Variants in NTRK2 observed in about 807,000 individuals in gnomAD.
NTRK2 encodes the protein BDNF/NT-3 growth factors receptor.
Under a neutral mutation model 94.5 loss-of-function variants are expected in NTRK2, and 13 were observed. That is an observed-to-expected ratio of 0.14 (90% CI 0.09 to 0.22). The LOEUF (loss-of-function observed/expected upper bound fraction) is 0.22, where lower values mean the gene tolerates loss of function less well. Among genes scored for constraint, NTRK2 ranks in the 10% least tolerant of loss-of-function variants. The probability of loss-of-function intolerance (pLI) is 1.00; values close to 1 mark genes in which losing one functional copy is unlikely to be tolerated. For synonymous variants in NTRK2, 372 were observed against 407.4 expected, an observed-to-expected ratio of 0.91 and a Z score of 1.05; for missense variants, 639 against 1,071.2, an observed-to-expected ratio of 0.60 and a Z score of 5.63.
intron 2 of NTRK2, among the ~76,000 whole-genome samples, chr9:84,675,292 T>A (rs2058967649): frequency 6.6e-6 from 1 of 151,066 alleles, no homozygotes; most frequent in Non-Finnish European, 1.5e-5. Context: ...GGAATTGAAT[T>A]TCTTTTCTCT....
intron 16 of NTRK2, among the ~76,000 whole-genome samples, chr9:84,952,147 G>A (rs371432216): frequency 2.6e-5 from 4 of 152,154 alleles, no homozygotes; most frequent in Admixed American, 1.3e-4. Context: ...CATCCTTGCC[G>A]TCATTCCTAC....
intron 17 of NTRK2, among the ~76,000 whole-genome samples, chr9:84,988,946 G>T (rs1828703965): frequency 1.3e-5 from 2 of 152,216 alleles, no homozygotes; most frequent in South Asian, 4.1e-4. Context: ...TTTGATACAA[G>T]CTGGGACTCT....
intron 2 of NTRK2, among the ~76,000 whole-genome samples, chr9:84,686,344 G>A (rs1201230652): frequency 6.6e-6 from 1 of 152,230 alleles, no homozygotes; most frequent in African/African-American, 2.4e-5. Flanking sequence ...GAGATGCAGA[G>A]CACACAAGCT....
intron 15 of NTRK2, among the ~76,000 whole-genome samples, chr9:84,947,532 C>T (rs186982358): frequency 6.8e-4 from 103 of 152,298 alleles, no homozygotes; most frequent in African/African-American, 2.3e-3. Context: ...CTGTTGTCAT[C>T]GGGGCAGCTG....
intron 17 of NTRK2, among the ~76,000 whole-genome samples, chr9:85,009,835 G>A (rs1380196077): frequency 6.6e-6 from 1 of 152,184 alleles, no homozygotes; most frequent in African/African-American, 2.4e-5. Context: ...ATTCTCTAGA[G>A]AAAGTGGTTT....
chr9:84,809,450 A>G (rs890692127), intron 12 of NTRK2, among the ~76,000 whole-genome samples: 1 of 148,944 alleles, frequency 6.7e-6, no homozygotes, highest in Non-Finnish European at 1.5e-5. Flanking sequence ...TCTTATAGAT[A>G]TAATATATAC....
chr9:84,929,895 G>A (rs1447619353), intron 14 of NTRK2, among the ~76,000 whole-genome samples: 1 of 152,084 alleles, frequency 6.6e-6, no homozygotes, highest in African/African-American at 2.4e-5. Context: ...TGCTTATGTT[G>A]GGTTTAAGGT....
chr9:84,672,564 A>T (rs2058766268), intron 2 of NTRK2, among the ~76,000 whole-genome samples: 1 of 152,098 alleles, frequency 6.6e-6, no homozygotes, highest in South Asian at 2.1e-4. Context: ...GATTATGGGG[A>T]GTGCCTTCCA....
intron 14 of NTRK2, among the ~76,000 whole-genome samples, chr9:84,870,331 G>GTATGTATATATA (rs1554757547): frequency 3.2e-5 from 1 of 31,176 alleles, no homozygotes; most frequent in Non-Finnish European, 6.8e-5. Context: ...GTGTGTGTGT[G>GTATGTATATATA]TATATATATA....
chr9:84,801,722 A>G (rs1354621968), intron 12 of NTRK2, among the ~76,000 whole-genome samples: 1 of 152,220 alleles, frequency 6.6e-6, no homozygotes, highest in South Asian at 2.1e-4. Flanking sequence ...CTATATTTTC[A>G]GCTCATGATG....
At chr9:84,688,923 T>C (rs1485655495) in intron 2 of NTRK2, among the ~76,000 whole-genome samples, 1 of 152,206 alleles carries the variant, frequency 6.6e-6, no homozygotes, top group African/African-American at 2.4e-5. Flanking sequence ...AGGGCTCCAC[T>C]AGGATGTGTG....
intron 16 of NTRK2, among the ~76,000 whole-genome samples, chr9:84,955,082 G>T (rs1250452375): frequency 6.6e-6 from 1 of 152,204 alleles, no homozygotes; most frequent in Non-Finnish European, 1.5e-5. Flanking sequence ...AGCAGCCTGG[G>T]TGCTCTCAGG....
intron 2 of NTRK2, among the ~76,000 whole-genome samples, chr9:84,696,270 C>G (rs979039720): frequency 1.8e-4 from 28 of 152,160 alleles, no homozygotes; most frequent in African/African-American, 6.5e-4. Context: ...TCCCAAAGTA[C>G]TAGGATTACA....
chr9:84,892,304 C>T (rs771471602), intron 14 of NTRK2, among the ~76,000 whole-genome samples: 13 of 152,166 alleles, frequency 8.5e-5, no homozygotes, highest in Non-Finnish European at 1.0e-4. Context: ...GCCCTGATTG[C>T]CTTAGCTCTG....
At chr9:84,948,674 G>A (rs2078678330) in intron 16 of NTRK2, 40 bp downstream of exon 16, 3 of 1,599,134 alleles carry the variant, frequency 1.9e-6, no homozygotes, top group African/African-American at 1.3e-5. Flanking sequence ...GAGGGAGCAG[G>A]CCTTCAGGGT....
Position 84,670,588 on chromosome 9 carries a change from C to G in NTRK2, c.-161C>G. 1 of 736,780 alleles carries G rather than the reference C, an allele frequency of 1.4e-6. No homozygotes were observed. Among genetic ancestry groups the G allele is most frequent in the Non-Finnish European group, 2.3e-6 (1 of 427,584 alleles). The allele number at this position is 736,780 out of a possible 1,614,324, so 45.6% of individuals were successfully genotyped here. ...CCGCCTGCCGGAACACTCTTCGCTC[C>G]GGACCAGCTCAGCCTCTGATAAGCT... On this transcript the variant is annotated 5_prime_UTR_variant, in exon 2 of 19. Coordinates refer to ENST00000277120, the MANE Select transcript of NTRK2 (RefSeq NM_006180.6).
At chr9:84,689,180 G>T (rs761987824) in intron 2 of NTRK2, among the ~76,000 whole-genome samples, 12 of 152,226 alleles carry the variant, frequency 7.9e-5, no homozygotes, top group Non-Finnish European at 1.6e-4. Flanking sequence ...AGGTTGGGAG[G>T]ACTGAAAAGC....
intron 12 of NTRK2, among the ~76,000 whole-genome samples, chr9:84,787,501 A>C (rs974607442): frequency 6.6e-6 from 1 of 152,062 alleles, no homozygotes. Flanking sequence ...TCCCTCACTT[A>C]TTCAGGGTAC....
chr9:84,773,380 A>G (rs149707770), intron 12 of NTRK2, among the ~76,000 whole-genome samples: 8 of 152,332 alleles, frequency 5.3e-5, no homozygotes, highest in African/African-American at 1.2e-4. Flanking sequence ...TATAGAAATT[A>G]TGGCATGGGA....
Sources: allele counts gnomAD v4.1 joint callset (sites outside exome capture counted in the v4.1 genomes callset), GRCh38; gene constraint gnomAD v4.1.1; transcripts MANE v1.5; gene names NCBI Gene and HGNC (gene_info 2026-07-23, HGNC 2026-07-21).